Variants in CLINT1 observed in about 807,000 individuals in gnomAD.
CLINT1 encodes the protein clathrin interacting protein localized in the trans-Golgi region.
A neutral mutation model predicts 70.4 loss-of-function variants in CLINT1; 15 were observed. The observed-to-expected ratio is 0.21, with a 90% CI of 0.14 to 0.33. CLINT1 has a LOEUF of 0.33. Ranked by LOEUF, CLINT1 falls within the 10% of genes least tolerant of loss-of-function variation. The pLI, the probability that CLINT1 is intolerant of heterozygous loss-of-function variation, is 1.00. For missense variants in CLINT1, 615 were observed against 778.1 expected (o/e 0.79, Z 2.49); for synonymous variants, 227 against 254.7 (o/e 0.89, Z 1.04).
chr5:157,815,219 G>A (rs1271417338), intron 3 of CLINT1, among the ~76,000 whole-genome samples: 1 of 151,808 alleles, frequency 6.6e-6, no homozygotes, highest in Non-Finnish European at 1.5e-5. Context: ...AGGATCTCTT[G>A]AGCCCAGGAG....
chr5:157,812,608 A>G (rs989328954), intron 5 of CLINT1, among the ~76,000 whole-genome samples: 21 of 152,218 alleles, frequency 1.4e-4, no homozygotes, highest in African/African-American at 5.1e-4. Context: ...AAAGAAAGAG[A>G]GACTGAGGCT....
Position 157,787,795 on chromosome 5 carries a change from T to C in CLINT1, c.1729A>G (p.Met577Val), listed in dbSNP as rs750568950. Residue 577 changes from methionine (M) to valine (V), a missense_variant, in exon 12 of 12, where the codon ATG becomes GTG. This residue lies in a region of CLINT1 where 374 missense variants were observed against 409.6 expected (regional missense o/e 0.91). Coordinates refer to ENST00000411809, the MANE Select transcript of CLINT1 (RefSeq NM_014666.4). ...ATCCCTATGTTCATGTTCATGCCCA[T>C]CATGCTCTGGTTCATCATCGGAGTA... Reference protein sequence around the residue: ...GNTPMMNQSMMGMNMNIGMSA... With the variant: ...GNTPMMNQSMVGMNMNIGMSA... The C allele has an allele frequency of 1.2e-6, 2 of 1,614,014 alleles. No individual in the cohort carries two copies. The highest frequency in any genetic ancestry group is 1.7e-6 in the Non-Finnish European group (2 of 1,179,876).
At chr5:157,824,985 T>C (rs1008852695) in intron 1 of CLINT1, among the ~76,000 whole-genome samples, 4 of 152,144 alleles carry the variant, frequency 2.6e-5, no homozygotes, top group African/African-American at 9.7e-5. Flanking sequence ...TTAGTAAATA[T>C]TAAATACAAA....
At chr5:157,818,466 C>CCCA (rs1561653763) in intron 1 of CLINT1, among the ~76,000 whole-genome samples, 2 of 100,270 alleles carry the variant, frequency 2.0e-5, no homozygotes, top group African/African-American at 8.2e-5. Flanking sequence ...GACCTGGTCT[C>CCCA]TAAAAAAAAA....
At chr5:157,836,161 T>A (rs1763415099) in intron 1 of CLINT1, among the ~76,000 whole-genome samples, 1 of 152,334 alleles carries the variant, frequency 6.6e-6, no homozygotes, top group South Asian at 2.1e-4. Context: ...AATACAGCCA[T>A]ATTTGTTTGG....
chr5:157,789,599 G>C, intron 10 of CLINT1, 86 bp from the exon 11 acceptor site: 1 of 1,568,836 alleles, frequency 6.4e-7, no homozygotes, highest in African/African-American at 1.4e-5. Flanking sequence ...TAAAAATTAA[G>C]CATCTGTTCT....
At chr5:157,840,403 T>C (rs764856356) in intron 1 of CLINT1, among the ~76,000 whole-genome samples, 2 of 151,954 alleles carry the variant, frequency 1.3e-5, no homozygotes, top group Non-Finnish European at 2.9e-5. Context: ...AAAACTGGAA[T>C]ATGGAAGAGG....
chr5:157,823,691 T>C (rs948023127), intron 1 of CLINT1: 2 of 552,262 alleles, frequency 3.6e-6, no homozygotes, highest in African/African-American at 2.1e-5. Flanking sequence ...ATAAATTAAA[T>C]GCTCTTATTA....
At chr5:157,835,550 C>T (rs186545223) in intron 1 of CLINT1, among the ~76,000 whole-genome samples, 1 of 152,038 alleles carries the variant, frequency 6.6e-6, no homozygotes, top group East Asian at 1.9e-4. Flanking sequence ...CTTTCCCTCT[C>T]GGTGCCTAAC....
intron 9 of CLINT1, 61 bp from the exon 10 acceptor site, chr5:157,792,056 A>T: frequency 6.9e-7 from 1 of 1,459,476 alleles, no homozygotes; most frequent in Non-Finnish European, 9.3e-7. Context: ...CAAATGTAAC[A>T]ATCTATGAAC....
intron 6 of CLINT1, chr5:157,809,311 C>T (rs147501880): frequency 4.7e-6 from 1 of 214,754 alleles, no homozygotes; most frequent in East Asian, 1.3e-4. Context: ...GAAACCCCAA[C>T]GTAAACTACA....
At chr5:157,796,501 A>G (rs748607123) in intron 8 of CLINT1, among the ~76,000 whole-genome samples, 85 of 152,212 alleles carry the variant, frequency 5.6e-4, no homozygotes, top group Admixed American at 4.6e-4. Flanking sequence ...CAGCAGTTCA[A>G]TGATGGTGCT....
intron 9 of CLINT1, among the ~76,000 whole-genome samples, chr5:157,793,936 A>G (rs1184451038): frequency 1.3e-5 from 2 of 152,190 alleles, no homozygotes; most frequent in African/African-American, 4.8e-5. Context: ...TAACTCAGTC[A>G]AATTACATCT....
chr5:157,808,889 G>A (rs940602903), intron 6 of CLINT1, among the ~76,000 whole-genome samples: 10 of 151,936 alleles, frequency 6.6e-5, no homozygotes, highest in Non-Finnish European at 1.5e-4. Flanking sequence ...TTATCCCTCA[G>A]TATCTTAGGT....
intron 8 of CLINT1, among the ~76,000 whole-genome samples, chr5:157,798,380 G>A (rs775213366): frequency 3.9e-5 from 6 of 152,230 alleles, no homozygotes; most frequent in South Asian, 2.1e-4. Context: ...GCCTTTCCAG[G>A]GCAGCAGGGA....
chr5:157,824,827 T>C (rs576600101), intron 1 of CLINT1, among the ~76,000 whole-genome samples: 1 of 152,328 alleles, frequency 6.6e-6, no homozygotes, highest in Admixed American at 6.5e-5. Context: ...TTTTCTATTA[T>C]GTCACACTGT....
At chr5:157,849,263 C>G (rs778117653) in intron 1 of CLINT1, among the ~76,000 whole-genome samples, 11 of 152,224 alleles carry the variant, frequency 7.2e-5, no homozygotes, top group East Asian at 1.9e-4. Context: ...TCCCACAACC[C>G]TGATAAGTCA....
intron 1 of CLINT1, among the ~76,000 whole-genome samples, chr5:157,840,100 C>A (rs1383661765): frequency 7.1e-6 from 1 of 141,320 alleles, no homozygotes; most frequent in East Asian, 2.1e-4. Flanking sequence ...GAGGTTAAGG[C>A]AGGAGAATAG....
chr5:157,810,831 T>C (rs972311701), intron 5 of CLINT1, among the ~76,000 whole-genome samples: 9 of 152,226 alleles, frequency 5.9e-5, no homozygotes, highest in African/African-American at 2.2e-4. Flanking sequence ...AGCTTTTGTT[T>C]TGAACTTTTG....
Sources: gnomAD v4.1 joint callset for allele counts (sites outside exome capture counted in the v4.1 genomes callset) on GRCh38, gnomAD v4.1.1 for gene constraint, gnomAD v4.1.1 regional missense constraint, MANE v1.5 for transcripts, NCBI Gene and HGNC (gene_info 2026-07-23, HGNC 2026-07-21) for gene names.